Variants in GON4L observed in about 807,000 individuals in gnomAD.
GON4L encodes the protein GON-4-like protein.
Under a neutral mutation model 211.8 loss-of-function variants are expected in GON4L, and 87 were observed. The ratio of observed to expected loss-of-function variants is 0.41; its 90% CI spans 0.35 to 0.49. The LOEUF (loss-of-function observed/expected upper bound fraction) is 0.49, where lower values mean the gene tolerates loss of function less well. Ranked by LOEUF, GON4L falls within the 20% of genes least tolerant of loss-of-function variation. The pLI is 0.15. For missense variants in GON4L, 2,155 were observed against 2,659.5 expected (o/e 0.81, Z 4.17); for synonymous variants, 875 against 962.6 (o/e 0.91, Z 1.68).
intron 12 of GON4L, among the ~76,000 whole-genome samples, chr1:155,788,906 C>T (rs1157921282): frequency 1.3e-5 from 2 of 151,782 alleles, no homozygotes; most frequent in African/African-American, 2.4e-5. Flanking sequence ...CTGGCTAACA[C>T]GGTGAAACCC....
At chr1:155,848,448 T>G (rs997018620) in intron 2 of GON4L, among the ~76,000 whole-genome samples, 2 of 152,196 alleles carry the variant, frequency 1.3e-5, no homozygotes, top group Non-Finnish European at 2.9e-5. Flanking sequence ...TTCTAAATCT[T>G]AAGGTCTTAA....
At chr1:155,745,290 A>G (rs1660215404), downstream of GON4L, among the ~76,000 whole-genome samples, 1 of 152,236 alleles carries the variant, frequency 6.6e-6, no homozygotes, top group African/African-American at 2.4e-5. Flanking sequence ...ACAGAGATAG[A>G]TTAATACATG....
chr1:155,788,004 T>G (rs1170206499), intron 12 of GON4L, among the ~76,000 whole-genome samples: 1 of 152,164 alleles, frequency 6.6e-6, no homozygotes, highest in Admixed American at 6.5e-5. Flanking sequence ...TTTATTTTAT[T>G]TTTTTGAGAC....
intron 12 of GON4L, among the ~76,000 whole-genome samples, chr1:155,793,809 T>C (rs527582659): frequency 3.9e-4 from 60 of 152,232 alleles, no homozygotes; most frequent in African/African-American, 1.3e-3. Flanking sequence ...AAAGTTTCTC[T>C]ATGTTGCCTA....
intron 1 of GON4L, 85 bp from the exon 2 acceptor site, chr1:155,853,891 C>T (rs1277683362): frequency 3.4e-6 from 3 of 874,126 alleles, no homozygotes; most frequent in East Asian, 2.6e-5. Context: ...TATTCATGTT[C>T]GATCATGAAC....
intron 4 of GON4L, 146 bp from the exon 5 acceptor site, chr1:155,821,694 C>A (rs1668757999): frequency 1.5e-6 from 1 of 664,270 alleles, no homozygotes; most frequent in Non-Finnish European, 2.8e-6. Context: ...AGCAAGGCAA[C>A]TGAAAGCAAA....
chr1:155,770,589 C>T (rs957239188), intron 19 of GON4L, among the ~76,000 whole-genome samples: 4 of 152,150 alleles, frequency 2.6e-5, no homozygotes, highest in African/African-American at 9.7e-5. Context: ...TGGCTCATGC[C>T]TGTAATCCCA....
chr1:155,746,927 T>A, downstream of GON4L: 1 of 1,600,650 alleles, frequency 6.2e-7, no homozygotes, highest in Non-Finnish European at 8.5e-7. Flanking sequence ...AGGGTCTCCA[T>A]AGGGGCAGGT....
Position 155,765,721 on chromosome 1 carries a change from G to A in GON4L, c.3752C>T (p.Pro1251Leu), listed in dbSNP as rs556357817. ...AGCAGAGAGAGGAGATAGTTCCTGG[G>A]GCTCTAATTTGGGTTCTAGGCCCTG... ...AFQGLEPKLE[P>L]QELSPLSATV... Residue 1251 changes from proline (P) to leucine (L), a missense_variant, in exon 21 of 32, where the codon CCC (proline) becomes CTC (leucine). Physicochemically the swap from Pro to Leu is moderately conservative, Grantham distance 98 (BLOSUM62 -3). Around this residue, in one of 6 missense-constraint regions of GON4L, gnomAD observed 615 missense variants for 625.7 expected, o/e 0.98. Coordinates refer to ENST00000368331, the MANE Select transcript of GON4L (RefSeq NM_001282860.2). 10 of 1,614,180 alleles carry A rather than the reference G, an allele frequency of 6.2e-6. No individual in the cohort carries two copies. The highest frequency in any genetic ancestry group is 1.6e-4 in the Middle Eastern group (1 of 6,062).
intron 2 of GON4L, among the ~76,000 whole-genome samples, chr1:155,852,089 T>C (rs1303555972): frequency 7.5e-6 from 1 of 133,956 alleles, no homozygotes; most frequent in Non-Finnish European, 1.6e-5. Flanking sequence ...CACTTGAACA[T>C]GGGAGGTGGA....
At chr1:155,842,707 C>T (rs936844900) in intron 2 of GON4L, among the ~76,000 whole-genome samples, 12 of 148,712 alleles carry the variant, frequency 8.1e-5, no homozygotes, top group African/African-American at 2.5e-4. Context: ...CATAGTGGCA[C>T]ATGCCTGTAG....
intron 9 of GON4L, 74 bp from the exon 10 acceptor site, chr1:155,813,878 A>T (rs1668005076): frequency 7.7e-7 from 1 of 1,291,126 alleles, no homozygotes; most frequent in Non-Finnish European, 1.1e-6. Flanking sequence ...AAGGAAAAAA[A>T]GAGAGGGAAA....
chr1:155,750,505 A>T lies in GON4L; in HGVS notation c.*79T>A. Reference sequence around the variant, plus strand: ...TCTGTAAACTGGGCTCAAGGACTGTACAAGCAGAGTACAACTACCCCCTCC... The same window carrying T: ...TCTGTAAACTGGGCTCAAGGACTGTTCAAGCAGAGTACAACTACCCCCTCC... On this transcript the variant is annotated 3_prime_UTR_variant, in exon 32 of 32. Transcript: ENST00000368331. 2.4e-6 allele frequency: 3 copies of T among 1,263,818 alleles called. No individual in the cohort carries two copies. Among genetic ancestry groups the T allele is most frequent in the Non-Finnish European group, 3.5e-6 (3 of 867,648 alleles). 78.3% of individuals were successfully genotyped at this position (1,263,818 alleles called of 1,614,324 possible).
chr1:155,748,958 TC>T (rs2101582054), downstream of GON4L, among the ~76,000 whole-genome samples: 1 of 152,276 alleles, frequency 6.6e-6, no homozygotes, highest in African/African-American at 2.4e-5. Flanking sequence ...ACATAAAAAT[TC>T]TTAAGTTTCT....
intron 2 of GON4L, among the ~76,000 whole-genome samples, chr1:155,847,571 G>A (rs1295502863): frequency 2.0e-5 from 3 of 152,040 alleles, no homozygotes; most frequent in Admixed American, 6.6e-5. Flanking sequence ...GCATGGTAGC[G>A]GGTACCTATA....
chr1:155,804,888 A>G, intron 11 of GON4L, 61 bp downstream of exon 11: 2 of 1,199,350 alleles, frequency 1.7e-6, no homozygotes, highest in Non-Finnish European at 2.5e-6. Context: ...CCTTCCAAAT[A>G]CTAAAAATTT....
chr1:155,780,672 C>T (rs1003289685), intron 14 of GON4L, among the ~76,000 whole-genome samples: 2 of 152,034 alleles, frequency 1.3e-5, no homozygotes, highest in Non-Finnish European at 2.9e-5. Context: ...CCACCCCTAC[C>T]CTCCTGAGAG....
At chr1:155,855,940 C>T (rs965449597) in intron 1 of GON4L, among the ~76,000 whole-genome samples, 59 of 139,682 alleles carry the variant, frequency 4.2e-4, no homozygotes, top group African/African-American at 1.6e-3. Context: ...CAAGATCATG[C>T]CACTGCACTC....
At chr1:155,747,013 G>A, downstream of GON4L, 7 of 1,596,340 alleles carry the variant, frequency 4.4e-6, no homozygotes, top group South Asian at 2.2e-5. Context: ...TAAGGACTGC[G>A]ACTCGGTGAA....
Sources: allele counts gnomAD v4.1 joint callset (sites outside exome capture counted in the v4.1 genomes callset), GRCh38; gene constraint gnomAD v4.1.1; regional missense constraint gnomAD v4.1.1; transcripts MANE v1.5; gene names NCBI Gene and HGNC (gene_info 2026-07-23, HGNC 2026-07-21).